LYPD5: variants seen among roughly 807,000 people sequenced by gnomAD.
LYPD5 encodes ly6/PLAUR domain-containing protein 5.
Under a neutral mutation model 19.1 loss-of-function variants are expected in LYPD5, and 21 were observed. The ratio of observed to expected loss-of-function variants is 1.10; its 90% CI spans 0.78 to 1.58. The LOEUF (loss-of-function observed/expected upper bound fraction) is 1.58. Ranked by LOEUF, LYPD5 falls within the 40% of genes most tolerant of loss-of-function variation. LYPD5 has a pLI of 0.00. For synonymous variants in LYPD5, 128 were observed against 142.7 expected (o/e 0.90, Z 0.74); for missense variants, 287 against 329.8 (o/e 0.87, Z 1.00).
chr19:43,798,589 G>A lies in LYPD5; in HGVS notation c.383C>T (p.Pro128Leu), dbSNP rs758577568. Residue 128 changes from proline (P) to leucine (L), a missense_variant, in exon 4 of 5, where the codon CCG (proline) becomes CTG (leucine). By Grantham distance (98) the Pro-to-Leu change is moderately conservative. Transcript: ENST00000377950. ...LPNLSQAPDP[P>L]TLSGAECYAC... ...GTAGCACTCGGCGCCGCTGAGCGTC[G>A]GCGGGTCGGGTGCTGGCAAGAGAGC... 1 of 1,610,484 alleles carries A rather than the reference G, an allele frequency of 6.2e-7. No individual in the cohort carries two copies. The highest frequency in any genetic ancestry group is 2.2e-5 in the East Asian group (1 of 44,880).
chr19:43,798,910 T>C lies in LYPD5; in HGVS notation c.272A>G (p.Asp91Gly), dbSNP rs1366105853. The stretch of plus-strand genomic sequence containing the variant: ...CACCGAGTAGTCTGGCGGCAGCGCG[T>C]CCGCGTTCGATTGCGTCTGGCCCGC... ...PPAGQTQSNA[D>G]ALPPDYSVVR... Residue 91 changes from aspartate to glycine, a missense_variant, in exon 3 of 5, where the codon GAC (aspartate) becomes GGC (glycine). Asp to Gly is a moderately conservative substitution (Grantham distance 94, BLOSUM62 -1). Coordinates refer to ENST00000377950, the MANE Select transcript of LYPD5 (RefSeq NM_001031749.3). 2 of 1,600,172 alleles carry C rather than the reference T, an allele frequency of 1.2e-6. No individual in the cohort carries two copies. Among genetic ancestry groups the C allele is most frequent in the African/African-American group, 2.7e-5 (2 of 74,738 alleles).
At position 43,798,604 on chromosome 19, in the gene LYPD5, G is replaced by T. The variant is rs1294170337; in HGVS notation, c.371-3C>A. On this transcript the variant is annotated splice_polypyrimidine_tract_variant and splice_region_variant and intron_variant, in intron 3 of 4. Coordinates refer to ENST00000377950, the MANE Select transcript of LYPD5 (RefSeq NM_001031749.3). The stretch of plus-strand genomic sequence containing the variant: ...GCTGAGCGTCGGCGGGTCGGGTGCT[G>T]GCAAGAGAGCGTAGATGCACACTCA... 6.2e-6 allele frequency: 10 copies of T among 1,609,852 alleles called. No homozygotes were observed. The highest frequency in any genetic ancestry group is 7.6e-6 in the Non-Finnish European group (9 of 1,180,008).
chr19:43,819,381 T>A (rs1218913286), intron 1 of LYPD5, among the ~76,000 whole-genome samples: 1 of 147,118 alleles, frequency 6.8e-6, no homozygotes, highest in Non-Finnish European at 1.5e-5. Context: ...ACCCCCAGGG[T>A]TCAAGCGAGT....
rs349047 is a variant in LYPD5 at position 43,796,732 on chromosome 19, G to A, written c.*859C>T. 0.45 allele frequency: 67,956 copies of A among 151,898 alleles called. 15,775 individuals carry two copies. The highest frequency in any genetic ancestry group is 0.61 in the South Asian group (2,949 of 4,812). The allele number at this position is 151,898 out of a possible 1,614,324, so 9.4% of individuals were successfully genotyped here. ...TACACAAGCTCAACCAAGTGCTTTT[G>A]CCTCTCAGTTTGTTGACCTGTGACT... On this transcript the variant is annotated 3_prime_UTR_variant, in exon 5 of 5. Transcript: ENST00000377950.
In LYPD5 at chr19:43,796,052, T is replaced by G. The variant is rs1970123942; in HGVS notation, c.*1539A>C. ...CTTGCTTATAGGCACCTGCTGGCTG[T>G]GTTCTCATGTGGTGGAAGGGGCAAG... On this transcript the variant is annotated 3_prime_UTR_variant, in exon 5 of 5. Coordinates refer to ENST00000377950, the MANE Select transcript of LYPD5 (RefSeq NM_001031749.3). 1 of 152,250 alleles carries G rather than the reference T, an allele frequency of 6.6e-6. No individual in the cohort carries two copies. The highest frequency in any genetic ancestry group is 2.4e-5 in the African/African-American group (1 of 41,446). The allele number at this position is 152,250 out of a possible 1,614,324, so 9.4% of individuals were successfully genotyped here.
intron 1 of LYPD5, 122 bp downstream of exon 1, chr19:43,802,195 A>AGCAGGCCCCCAGCCCC: frequency 2.5e-6 from 1 of 407,122 alleles, no homozygotes; most frequent in Non-Finnish European, 4.3e-6. Context: ...GACCCAGGAG[A>AGCAGGCCCCCAGCCCC]TCAGGCCCCC....
At chr19:43,814,991 GACTT>G (rs1970358802) in intron 1 of LYPD5, among the ~76,000 whole-genome samples, 1 of 152,144 alleles carries the variant, frequency 6.6e-6, no homozygotes, top group Admixed American at 6.6e-5. Flanking sequence ...ATAATAAATG[GACTT>G]ACTTCAGAAC....
chr19:43,801,403 A>T (rs1970222450), intron 1 of LYPD5, among the ~76,000 whole-genome samples: 1 of 152,110 alleles, frequency 6.6e-6, no homozygotes, highest in Admixed American at 6.5e-5. Flanking sequence ...CAGGAGGCTG[A>T]GGTGGGAGGA....
chr19:43,799,883 C>A, intron 1 of LYPD5, 49 bp from the exon 2 acceptor site: 1 of 1,554,622 alleles, frequency 6.4e-7, no homozygotes. Context: ...TGAGCCTGTC[C>A]CAGGAACTCA....
chr19:43,797,807 G>GTACA lies in LYPD5; in HGVS notation c.536_539dup (p.Ile181ValfsTer30). The GTACA allele has an allele frequency of 6.2e-7, 1 of 1,613,728 alleles. No individual in the cohort carries two copies. Among genetic ancestry groups the GTACA allele is most frequent in the Non-Finnish European group, 8.5e-7 (1 of 1,179,810 alleles). On this transcript the variant is annotated frameshift_variant, in exon 5 of 5. Coordinates refer to ENST00000377950, the MANE Select transcript of LYPD5 (RefSeq NM_001031749.3). LOFTEE classifies it low-confidence loss of function (END_TRUNC). ...AGGAGGGCCGGTGGCAGGTTCTGAT[G>GTACA]TACACAGGGACTGAGAAATTGCCTG...
chr19:43,818,574 T>C (rs77738931), intron 1 of LYPD5, among the ~76,000 whole-genome samples: 6,483 of 152,322 alleles, frequency 0.043, 186 homozygotes, highest in Non-Finnish European at 0.067. Context: ...TAACGTCTCA[T>C]GCATCAGCAT....
At chr19:43,807,199 G>C (rs1448051502), upstream of LYPD5, among the ~76,000 whole-genome samples, 1 of 151,818 alleles carries the variant, frequency 6.6e-6, no homozygotes, top group Non-Finnish European at 1.5e-5. Context: ...AATTTTTTTG[G>C]TTATTATATC....
Position 43,802,082 on chromosome 19 carries a change from CAT to C in LYPD5, c.64+233_64+234del, listed in dbSNP as rs545428294. On this transcript the variant is annotated intron_variant, in intron 1 of 4. Transcript: ENST00000377950. ...AGGCAGGGAAGAGAAATGAAAATGA[CAT>C]AGCCTCCAGGCTCCTGCCCACCAAG... Among the ~76,000 whole-genome samples, 21 of 152,212 alleles carry C rather than the reference CAT, an allele frequency of 1.4e-4. No homozygotes were observed. In the South Asian group the frequency reaches 4.2e-3, roughly 30 times the overall value.
At chr19:43,806,614 T>C (rs561456654), upstream of LYPD5, among the ~76,000 whole-genome samples, 1 of 151,980 alleles carries the variant, frequency 6.6e-6, no homozygotes, top group South Asian at 2.1e-4. Flanking sequence ...TGAGCTGAGA[T>C]CACACCACTG....
intron 1 of LYPD5, among the ~76,000 whole-genome samples, chr19:43,818,345 G>C (rs1460683457): frequency 6.6e-6 from 1 of 152,194 alleles, no homozygotes; most frequent in Admixed American, 6.5e-5. Flanking sequence ...GAAAAGTATA[G>C]TGTGGTAGGG....
Position 43,798,893 on chromosome 19 carries a change from A to C in LYPD5, c.289T>G (p.Tyr97Asp). The C allele has an allele frequency of 6.2e-7, 1 of 1,604,862 alleles. No individual in the cohort carries two copies. Among genetic ancestry groups the C allele is most frequent in the Non-Finnish European group, 8.5e-7 (1 of 1,175,950 alleles). The change falls in exon 3 of 5, where the codon TAC becomes GAC. Residue 97 changes from tyrosine (Y) to aspartate (D), a missense_variant. Tyr to Asp is a radical substitution (Grantham distance 160). Coordinates refer to ENST00000377950, the MANE Select transcript of LYPD5 (RefSeq NM_001031749.3). ...GTTGTGCAGCCGCGCACCACCGAGT[A>C]GTCTGGCGGCAGCGCGTCCGCGTTC... The part of the protein sequence containing the change: ...QSNADALPPD[Y>D]SVVRGCTTDK...
rs1019416793 is a variant in LYPD5 at position 43,802,318 on chromosome 19, T to C, written c.63A>G (p.Thr21=). Residue 21 remains threonine, a splice_region_variant and synonymous_variant, in exon 1 of 5, where the codon ACA becomes ACG. Coordinates refer to ENST00000377950, the MANE Select transcript of LYPD5 (RefSeq NM_001031749.3). ...LCLFGAALCL[T]GSQALQCYSF... is the part of the protein sequence containing the mutation. ...TACTGGATTCAGAAGTTTGCGTACCTGTCAGGCAGAGCGCAGCCCCAAAGA... is the reference window on the plus strand; with the variant it reads ...TACTGGATTCAGAAGTTTGCGTACCCGTCAGGCAGAGCGCAGCCCCAAAGA... 23 of 1,551,448 alleles carry C rather than the reference T, an allele frequency of 1.5e-5. No individual in the cohort carries two copies. In the African/African-American group the frequency reaches 2.3e-4, roughly 16 times the overall value.
At chr19:43,812,010 T>C (rs937991555) in intron 1 of LYPD5, among the ~76,000 whole-genome samples, 3 of 152,128 alleles carry the variant, frequency 2.0e-5, no homozygotes, top group Admixed American at 2.0e-4. Flanking sequence ...GGCTCTGTCA[T>C]GTGCTTGTGG....
At position 43,797,718 on chromosome 19, in the gene LYPD5, C is replaced by A. The variant is rs764891877; in HGVS notation, c.629G>T (p.Gly210Val). ...AIDLQGSCCE[G>V]YLCNRKSMTQ... is the part of the protein sequence containing the mutation. ...CATGGATTTCCTGTTGCAGAGGTAC[C>A]CCTCACAGCAGGAGCCCTGGAGGTC... Residue 210 changes from glycine to valine, a missense_variant, in exon 5 of 5, where the codon GGG becomes GTG. Gly to Val is a moderately radical substitution (Grantham distance 109). Transcript: ENST00000377950. 3.7e-6 allele frequency: 6 copies of A among 1,613,708 alleles called. No homozygotes were observed. The highest frequency in any genetic ancestry group is 1.7e-5 in the Admixed American group (1 of 59,972).
Sources: allele counts gnomAD v4.1 joint callset (sites outside exome capture counted in the v4.1 genomes callset), GRCh38; gene constraint gnomAD v4.1.1; transcripts MANE v1.5; gene names NCBI Gene and HGNC (gene_info 2026-07-23, HGNC 2026-07-21).